TWF1: variants seen among roughly 807,000 people sequenced by gnomAD.
The protein encoded by TWF1 is twinfilin-1.
TWF1 carries 14 observed loss-of-function variants against 47.9 expected under a neutral mutation model. That is an observed-to-expected ratio of 0.29 (90% CI 0.19 to 0.46). The LOEUF is 0.46. TWF1 is among the 20% of genes least tolerant of loss of function. The pLI, the probability that TWF1 is intolerant of heterozygous loss-of-function variation, is 1.00. For missense variants in TWF1, 281 were observed against 409.3 expected (o/e 0.69, Z 2.70); for synonymous variants, 96 against 139.2 (o/e 0.69, Z 2.18).
Position 43,802,537 on chromosome 12 carries a change from A to T in TWF1, c.104-73T>A. 3 of 1,076,272 alleles carry T rather than the reference A, an allele frequency of 2.8e-6. No individual in the cohort carries two copies. In the South Asian group the frequency reaches 4.5e-5, roughly 16 times the overall value. 66.7% of individuals were successfully genotyped at this position (1,076,272 alleles called of 1,614,324 possible). A position where few individuals can be genotyped will look rare whatever the true frequency, so the allele number is the denominator to read the frequency against. ...AAGTGGTAGTGTGATGAAGACTAGA[A>T]AAATAAATATATAGTCATTTCCCAG... On this transcript the variant is annotated intron_variant, in intron 2 of 8. Coordinates refer to ENST00000395510, the MANE Select transcript of TWF1 (RefSeq NM_002822.5).
Position 43,799,492 on chromosome 12 carries a change from G to A in TWF1, c.389C>T (p.Ser130Leu), listed in dbSNP as rs750668517. ...CAAGTATTTTTTATATCCATGTAAT[G>A]ATACATCTTCCTGTAAGTACAGAAT... Reference protein sequence around the residue: ...EVFGTVKEDVSLHGYKKYLLS... With the variant: ...EVFGTVKEDVLLHGYKKYLLS... Residue 130 changes from serine (S) to leucine (L), a missense_variant, in exon 5 of 9, where the codon TCA becomes TTA. By Grantham distance (145) the Ser-to-Leu change is moderately radical. Transcript: ENST00000395510. The A allele has an allele frequency of 1.6e-5, 26 of 1,593,402 alleles. No homozygotes were observed. The highest frequency in any genetic ancestry group is 2.1e-5 in the Non-Finnish European group (25 of 1,163,636).
rs1479274081 is a variant in TWF1 at position 43,799,497 on chromosome 12, A to C, written c.384T>G (p.Asp128Glu). The part of the protein sequence containing the change: ...KDEVFGTVKE[D>E]VSLHGYKKYL... ...ATTTTTTATATCCATGTAATGATAC[A>C]TCTTCCTGTAAGTACAGAATAGACT... The change falls in exon 5 of 9, where the codon GAT becomes GAG. Residue 128 changes from aspartate (D) to glutamate (E), a missense_variant. Physicochemically the swap from Asp to Glu is conservative, Grantham distance 45. Transcript: ENST00000395510. 1 of 1,584,424 alleles carries C rather than the reference A, an allele frequency of 6.3e-7. No homozygotes were observed. The highest frequency in any genetic ancestry group is 1.3e-5 in the African/African-American group (1 of 74,356).
intron 2 of TWF1, chr12:43,804,154 A>ATTT: frequency 2.4e-5 from 8 of 332,576 alleles, no homozygotes; most frequent in South Asian, 4.8e-5. Flanking sequence ...ACAAGTAACT[A>ATTT]TTTTTTTTTT....
intron 1 of TWF1, chr12:43,805,862 C>G (rs759463313): frequency 4.9e-6 from 7 of 1,423,578 alleles, no homozygotes; most frequent in Non-Finnish European, 6.6e-6. Flanking sequence ...AAGCCCCAGT[C>G]GCCTCCACTG....
chr12:43,806,090 C>T, intron 1 of TWF1, 131 bp downstream of exon 1: 1 of 1,519,290 alleles, frequency 6.6e-7, no homozygotes, highest in Non-Finnish European at 8.8e-7. Context: ...GGCGCCGAGG[C>T]CCGGCTCGCC....
intron 1 of TWF1, 122 bp downstream of exon 1, chr12:43,806,099 C>T: frequency 6.6e-7 from 1 of 1,521,390 alleles, no homozygotes; most frequent in South Asian, 1.2e-5. Flanking sequence ...GCCCGGCTCG[C>T]CCCGCGAGAC....
Position 43,793,771 on chromosome 12 carries a change from T to C in TWF1, c.*1814A>G, listed in dbSNP as rs1440876091. On this transcript the variant is annotated 3_prime_UTR_variant, in exon 9 of 9. Coordinates refer to ENST00000395510, the MANE Select transcript of TWF1 (RefSeq NM_002822.5). Reference sequence around the variant, plus strand: ...TGATATAAAATGCACTTATAAAATGTCCACCAGAAGGCATGTAATTCTTCA... The same window carrying C: ...TGATATAAAATGCACTTATAAAATGCCCACCAGAAGGCATGTAATTCTTCA... 6.6e-6 allele frequency: 1 copy of C among 152,624 alleles called. No homozygotes were observed. Among genetic ancestry groups the C allele is most frequent in the African/African-American group, 2.4e-5 (1 of 41,442 alleles). 9.5% of individuals were successfully genotyped at this position (152,624 alleles called of 1,614,324 possible).
At chr12:43,803,899 G>C (rs1481429982) in intron 2 of TWF1, among the ~76,000 whole-genome samples, 1 of 151,954 alleles carries the variant, frequency 6.6e-6, no homozygotes, top group East Asian at 1.9e-4. Flanking sequence ...TTATGACTGA[G>C]TACCTATAAC....
chr12:43,804,176 C>A, intron 2 of TWF1: 1 of 415,790 alleles, frequency 2.4e-6, no homozygotes, highest in Non-Finnish European at 4.8e-6. Context: ...TGATAATCAC[C>A]TGTTTAGTGA....
intron 1 of TWF1, 110 bp downstream of exon 1, chr12:43,806,111 G>T: frequency 1.3e-6 from 2 of 1,523,278 alleles, no homozygotes; most frequent in South Asian, 2.4e-5. Context: ...CCGCGAGACC[G>T]ACTTCCGGAG....
chr12:43,796,403 AAT>A (rs1044416977), intron 8 of TWF1, among the ~76,000 whole-genome samples: 2 of 152,108 alleles, frequency 1.3e-5, no homozygotes, highest in Admixed American at 6.5e-5. Context: ...AGGGCTCAAG[AAT>A]ATATATCTTT....
intron 5 of TWF1, 130 bp from the exon 6 acceptor site, chr12:43,797,963 C>G: frequency 1.0e-6 from 1 of 962,052 alleles, no homozygotes; most frequent in South Asian, 1.9e-5. Flanking sequence ...TTATTTTTCA[C>G]ATTTGTTTAC....
intron 1 of TWF1, 90 bp downstream of exon 1, chr12:43,806,131 C>G (rs1441752353): frequency 1.6e-5 from 25 of 1,527,766 alleles, no homozygotes; most frequent in Non-Finnish European, 2.1e-5. Context: ...GCTCCCGGCC[C>G]GACTCCAGCC....
chr12:43,806,074 C>T, intron 1 of TWF1, 147 bp downstream of exon 1: 1 of 1,517,534 alleles, frequency 6.6e-7, no homozygotes, highest in Admixed American at 2.0e-5. Context: ...AGCAGGAGCG[C>T]GGAGAGGCGC....
chr12:43,798,426 T>C (rs999697676), intron 5 of TWF1: 21 of 702,808 alleles, frequency 3.0e-5, no homozygotes, highest in South Asian at 1.1e-4. Flanking sequence ...TGATAAATGA[T>C]AGCTAGTAGA....
chr12:43,805,809 G>T (rs1592283364), intron 1 of TWF1: 1 of 1,367,250 alleles, frequency 7.3e-7, no homozygotes, highest in Non-Finnish European at 9.7e-7. Flanking sequence ...TTCTCCTTTG[G>T]ACCATGAAAA....
In TWF1 at chr12:43,806,259, A is replaced by G. The variant is rs1475718469; in HGVS notation, c.-14T>C. 5.9e-6 allele frequency: 9 copies of G among 1,522,604 alleles called. No individual in the cohort carries two copies. Among genetic ancestry groups the G allele is most frequent in the Non-Finnish European group, 7.0e-6 (8 of 1,138,268 alleles). 94.3% of individuals were successfully genotyped at this position (1,522,604 alleles called of 1,614,324 possible). A position where few individuals can be genotyped will look rare whatever the true frequency, so the allele number is the denominator to read the frequency against. ...CTGGTGGGACATGGCGGCGGCCGCT[A>G]GCTCCCGGCTCCGGCGCTGAGTGCA... On this transcript the variant is annotated 5_prime_UTR_variant, in exon 1 of 9. Coordinates refer to ENST00000395510, the MANE Select transcript of TWF1 (RefSeq NM_002822.5).
intron 3 of TWF1, among the ~76,000 whole-genome samples, chr12:43,801,567 T>G (rs1377867516): frequency 1.3e-5 from 2 of 152,206 alleles, no homozygotes; most frequent in Non-Finnish European, 2.9e-5. Flanking sequence ...CCTAAAATAC[T>G]TGTTTGTATG....
Position 43,794,162 on chromosome 12 carries a change from C to G in TWF1, c.*1423G>C, listed in dbSNP as rs576442302. ...ATTTGGGTGTATGTGTGTCTGTCTA[C>G]GTGTACACCCATGGAACAACTTATA... is the stretch of plus-strand genomic sequence containing the variant. On this transcript the variant is annotated 3_prime_UTR_variant, in exon 9 of 9. Coordinates refer to ENST00000395510, the MANE Select transcript of TWF1 (RefSeq NM_002822.5). The G allele has an allele frequency of 6.6e-6, 1 of 152,552 alleles. No individual in the cohort carries two copies. The highest frequency in any genetic ancestry group is 2.4e-5 in the African/African-American group (1 of 41,426). 9.4% of individuals were successfully genotyped at this position (152,552 alleles called of 1,614,324 possible).
Sources: gnomAD v4.1 joint callset for allele counts (sites outside exome capture counted in the v4.1 genomes callset) on GRCh38, gnomAD v4.1.1 for gene constraint, MANE v1.5 for transcripts, NCBI Gene and HGNC (gene_info 2026-07-23, HGNC 2026-07-21) for gene names.